ABLIM3: variants seen among roughly 807,000 people sequenced by gnomAD.
ABLIM3 encodes the protein actin binding LIM protein family member 3.
ABLIM3 carries 61 observed loss-of-function variants against 109.5 expected under a neutral mutation model. The observed-to-expected ratio is 0.56, with a 90% CI of 0.45 to 0.69. The LOEUF is 0.69. Ranked by LOEUF, ABLIM3 falls within the 30% of genes least tolerant of loss-of-function variation. The pLI, the probability that ABLIM3 is intolerant of heterozygous loss-of-function variation, is 0.00. For missense variants in ABLIM3, 796 were observed against 889.5 expected, an observed-to-expected ratio of 0.89 and a Z score of 1.34; for synonymous variants, 300 against 324.8, an observed-to-expected ratio of 0.92 and a Z score of 0.82.
At chr5:149,165,064 T>C (rs1754703519) in intron 2 of ABLIM3, among the ~76,000 whole-genome samples, 1 of 152,222 alleles carries the variant, frequency 6.6e-6, no homozygotes, top group African/African-American at 2.4e-5. Flanking sequence ...ATAGCTTGAA[T>C]TGAAAGTAGA....
At chr5:149,218,973 G>C (rs1183712790) in intron 8 of ABLIM3, 1 of 152,414 alleles carries the variant, frequency 6.6e-6, no homozygotes, top group African/African-American at 2.4e-5. Context: ...TAGCCATCTT[G>C]AGAAGGAATT....
At chr5:149,158,584 A>C (rs1262122253) in intron 2 of ABLIM3, among the ~76,000 whole-genome samples, 1 of 152,198 alleles carries the variant, frequency 6.6e-6, no homozygotes. Flanking sequence ...AAATAAAAAT[A>C]AGAAGTCCTT....
In ABLIM3 at chr5:149,246,559, C is replaced by G; in HGVS notation, c.1551+13C>G. The G allele has an allele frequency of 6.2e-7, 1 of 1,613,880 alleles. No individual in the cohort carries two copies. The highest frequency in any genetic ancestry group is 8.5e-7 in the Non-Finnish European group (1 of 1,179,940). On this transcript the variant is annotated intron_variant, in intron 17 of 23. Transcript: ENST00000309868. Reference sequence around the variant, plus strand: ...CAGCATGCACAAGGTGGGCAGAGACCACAGCACTGAATATGATGCTTAGAG... The same window carrying G: ...CAGCATGCACAAGGTGGGCAGAGACGACAGCACTGAATATGATGCTTAGAG...
Position 149,251,388 on chromosome 5 carries a change from C to G in ABLIM3, c.1818C>G (p.Asp606Glu), listed in dbSNP as rs774016404. 48 of 1,614,076 alleles carry G rather than the reference C, an allele frequency of 3.0e-5. No individual in the cohort carries two copies. Among genetic ancestry groups the G allele is most frequent in the Non-Finnish European group, 4.0e-5 (47 of 1,180,046 alleles). ...RTPSADLFHY[D>E]SMNAVNWGMR... The stretch of plus-strand genomic sequence containing the variant: ...CCAGCGCAGACCTCTTCCACTACGA[C>G]AGCATGAACGCAGTCAACTGGGGCA... Residue 606 changes from aspartate (D) to glutamate (E), a missense_variant, in exon 21 of 24, where the codon GAC becomes GAG. Asp to Glu is a conservative substitution (Grantham distance 45). Coordinates refer to ENST00000309868, the MANE Select transcript of ABLIM3 (RefSeq NM_014945.5).
Position 149,240,707 on chromosome 5 carries a change from T to C in ABLIM3, c.1236T>C (p.His412=), listed in dbSNP as rs963312097. ...AGAGTGGCCGGAGCTCTCCATACCA[T>C]AGCCAGTTAGATGTGAGGTCCTCCA... ...GPESGRSSPY[H]SQLDVRSSTP... is the part of the protein sequence containing the mutation. The change falls in exon 14 of 24, where the codon CAT becomes CAC. Residue 412 remains histidine (H), a synonymous_variant. Transcript: ENST00000309868. 49 of 1,613,998 alleles carry C rather than the reference T, an allele frequency of 3.0e-5. No homozygotes were observed. The highest frequency in any genetic ancestry group is 8.9e-5 in the East Asian group (4 of 44,882).
chr5:149,248,150 T>C lies in ABLIM3; in HGVS notation c.1699+221T>C, dbSNP rs1581238575. On this transcript the variant is annotated intron_variant, in intron 18 of 23. Coordinates refer to ENST00000309868, the MANE Select transcript of ABLIM3 (RefSeq NM_014945.5). ...CAGCTTCCTTGCCTGCTTTTATAAA[T>C]TAGGTTCTATTGGAATGTAGCCAGC... Among the ~76,000 whole-genome samples, 3 of 152,342 alleles carry C rather than the reference T, an allele frequency of 2.0e-5. 1 individual carries two copies. In the South Asian group the frequency reaches 6.2e-4, roughly 32 times the overall value.
chr5:149,155,889 T>C (rs1376889325), intron 2 of ABLIM3, among the ~76,000 whole-genome samples: 1 of 152,138 alleles, frequency 6.6e-6, no homozygotes, highest in Non-Finnish European at 1.5e-5. Flanking sequence ...CTACAGCCAA[T>C]GAGGAGTCAG....
intron 7 of ABLIM3, among the ~76,000 whole-genome samples, chr5:149,215,775 A>G (rs1760019387): frequency 6.6e-6 from 1 of 152,128 alleles, no homozygotes; most frequent in South Asian, 2.1e-4. Flanking sequence ...AAGCTCCTGC[A>G]TATACAAATG....
chr5:149,238,079 G>GT, intron 11 of ABLIM3, among the ~76,000 whole-genome samples: 1 of 152,258 alleles, frequency 6.6e-6, no homozygotes, highest in East Asian at 1.9e-4. Context: ...ATGTTCTCTG[G>GT]TTTTCCCACC....
At chr5:149,169,805 T>C (rs1282118258) in intron 2 of ABLIM3, among the ~76,000 whole-genome samples, 2 of 152,230 alleles carry the variant, frequency 1.3e-5, no homozygotes, top group East Asian at 1.9e-4. Flanking sequence ...TTCCACAAGA[T>C]GCTATGGCTC....
chr5:149,223,252 C>T (rs1300415481), intron 8 of ABLIM3, among the ~76,000 whole-genome samples: 1 of 152,154 alleles, frequency 6.6e-6, no homozygotes, highest in Non-Finnish European at 1.5e-5. Context: ...TCACCACAGA[C>T]TCATGCCGAT....
At chr5:149,200,074 G>A (rs1758349864) in intron 4 of ABLIM3, among the ~76,000 whole-genome samples, 1 of 152,208 alleles carries the variant, frequency 6.6e-6, no homozygotes, top group South Asian at 2.1e-4. Context: ...AGACAAGTAA[G>A]GTCAGATAAG....
At chr5:149,192,624 CAAAAAAAAAAAAGAAAAAA>C (rs1026939206) in intron 3 of ABLIM3, among the ~76,000 whole-genome samples, 1 of 50,194 alleles carries the variant, frequency 2.0e-5, no homozygotes, top group African/African-American at 7.9e-5. Context: ...GACTCCGTCT[CAAAAAAAAAAAAGAAAAAA>C]AAAAAAAAGA....
intron 10 of ABLIM3, among the ~76,000 whole-genome samples, chr5:149,235,963 C>T (rs1409659864): frequency 1.3e-5 from 2 of 152,192 alleles, no homozygotes; most frequent in African/African-American, 2.4e-5. Flanking sequence ...CCAAAGCTGG[C>T]AAGAGCTGGG....
chr5:149,154,777 C>T (rs1315267561), intron 2 of ABLIM3, among the ~76,000 whole-genome samples: 1 of 152,220 alleles, frequency 6.6e-6, no homozygotes, highest in Non-Finnish European at 1.5e-5. Context: ...CAAACCCTGT[C>T]TGTTTTGTTC....
At chr5:149,210,236 G>C (rs1017214017) in intron 6 of ABLIM3, among the ~76,000 whole-genome samples, 4 of 152,132 alleles carry the variant, frequency 2.6e-5, no homozygotes, top group Non-Finnish European at 5.9e-5. Context: ...GACAACCTGG[G>C]TGAGAAACCA....
chr5:149,250,972 C>T (rs1561638854), intron 20 of ABLIM3, among the ~76,000 whole-genome samples: 1 of 152,142 alleles, frequency 6.6e-6, no homozygotes, highest in Non-Finnish European at 1.5e-5. Flanking sequence ...ATGGCCTGTA[C>T]ATTTTCTGAG....
chr5:149,240,680 C>G lies in ABLIM3; in HGVS notation c.1209C>G (p.Pro403=). The change falls in exon 14 of 24, where the codon CCC becomes CCG. Residue 403 remains proline, a synonymous_variant. Coordinates refer to ENST00000309868, the MANE Select transcript of ABLIM3 (RefSeq NM_014945.5). Reference sequence around the variant, plus strand: ...ACCACTTCCTGCGTGCTCCAGGGCCCGAGAGTGGCCGGAGCTCTCCATACC... The same window carrying G: ...ACCACTTCCTGCGTGCTCCAGGGCCGGAGAGTGGCCGGAGCTCTCCATACC... The part of the protein sequence containing the change: ...RSPHHYYRSG[P]ESGRSSPYHS... 1 of 1,613,782 alleles carries G rather than the reference C, an allele frequency of 6.2e-7. No individual in the cohort carries two copies. The highest frequency in any genetic ancestry group is 8.5e-7 in the Non-Finnish European group (1 of 1,179,856).
Position 149,259,452 on chromosome 5 carries a change from TG to T in ABLIM3, c.*1050del, listed in dbSNP as rs1362100499. On this transcript the variant is annotated 3_prime_UTR_variant, in exon 24 of 24. Coordinates refer to ENST00000309868, the MANE Select transcript of ABLIM3 (RefSeq NM_014945.5). ...AGGCCGTGTCTCAAAGAAAGGTTCTTGGTCTATGCCTCTGGTCTGTGGGCTG... is the reference window on the plus strand; with the variant it reads ...AGGCCGTGTCTCAAAGAAAGGTTCTTGTCTATGCCTCTGGTCTGTGGGCTG... 5 of 1,531,708 alleles carry T rather than the reference TG, an allele frequency of 3.3e-6. No homozygotes were observed. The highest frequency in any genetic ancestry group is 4.4e-6 in the Non-Finnish European group (5 of 1,144,350). The allele number at this position is 1,531,708 out of a possible 1,614,324, so 94.9% of individuals were successfully genotyped here.
Sources: allele counts gnomAD v4.1 joint callset (sites outside exome capture counted in the v4.1 genomes callset), GRCh38; gene constraint gnomAD v4.1.1; transcripts MANE v1.5; gene names NCBI Gene and HGNC (gene_info 2026-07-23, HGNC 2026-07-21).